Variants in CREB1 observed in about 807,000 individuals in gnomAD.
CREB1 encodes cAMP responsive element binding protein 1.
In CREB1, 2 loss-of-function variants were observed where a neutral mutation model predicts 42.0. That is an observed-to-expected ratio of 0.05 (90% CI 0.02 to 0.15). The LOEUF (loss-of-function observed/expected upper bound fraction) is 0.15, where lower values mean the gene tolerates loss of function less well. Among genes scored for constraint, CREB1 ranks in the 10% least tolerant of loss-of-function variants. The pLI is 1.00. For synonymous variants in CREB1, 123 were observed against 139.9 expected (o/e 0.88, Z 0.85); for missense variants, 199 against 388.9 (o/e 0.51, Z 4.11).
chr2:207,575,901 A>G (rs1266701648), intron 6 of CREB1, among the ~76,000 whole-genome samples: 3 of 135,154 alleles, frequency 2.2e-5, no homozygotes, highest in African/African-American at 8.0e-5. Context: ...TCTGGAAACA[A>G]TCTTCAGAAG....
At chr2:207,595,155 C>G (rs916740616) in intron 7 of CREB1, among the ~76,000 whole-genome samples, 1 of 151,488 alleles carries the variant, frequency 6.6e-6, no homozygotes, top group Non-Finnish European at 1.5e-5. Flanking sequence ...ACCACCATAC[C>G]TGGCTAATTT....
At chr2:207,593,779 C>A (rs989098378) in intron 7 of CREB1, among the ~76,000 whole-genome samples, 1 of 145,772 alleles carries the variant, frequency 6.9e-6, no homozygotes, top group Non-Finnish European at 1.5e-5. Flanking sequence ...AGTGCAGTGG[C>A]GCTATCTTGG....
intron 1 of CREB1, among the ~76,000 whole-genome samples, chr2:207,543,273 G>C (rs1482564926): frequency 1.3e-5 from 2 of 152,126 alleles, no homozygotes; most frequent in Non-Finnish European, 1.5e-5. Flanking sequence ...CACAGATGCT[G>C]AATCTTTGGA....
rs185179817 is a variant in CREB1, at chr2:207,556,579, G to A, written c.114+830G>A. On this transcript the variant is annotated intron_variant, in intron 2 of 7. Transcript: ENST00000353267. ...GGAAATAGAGGACTCACCACACTTG[G>A]GTGTCTGGCTGAGGTAGTGTGAGCC... Among the ~76,000 whole-genome samples, 41 of 152,286 alleles carry A rather than the reference G, an allele frequency of 2.7e-4. 1 individual carries two copies. In the East Asian group the frequency reaches 7.9e-3, roughly 29 times the overall value.
rs2082184391 is a variant in CREB1 at position 207,567,509 on chromosome 2, G to T, written c.308G>T (p.Ser103Ile). Reference sequence around the variant, plus strand: ...GAAGATTCACAGGAGTCAGTGGATAGTGTAACTGATTCCCAAAAGCGAAGG... The same window carrying T: ...GAAGATTCACAGGAGTCAGTGGATATTGTAACTGATTCCCAAAAGCGAAGG... ...ESEDSQESVD[S>I]VTDSQKRREI... The change falls in exon 4 of 8, where the codon AGT becomes ATT. Residue 103 changes from serine to isoleucine, a missense_variant. Around this residue, in one of 4 missense-constraint regions of CREB1, gnomAD observed 66 missense variants for 150.8 expected, o/e 0.44. Coordinates refer to ENST00000353267, the MANE Select transcript of CREB1 (RefSeq NM_004379.5). The T allele has an allele frequency of 6.2e-7, 1 of 1,612,614 alleles. No homozygotes were observed. The highest frequency in any genetic ancestry group is 8.5e-7 in the Non-Finnish European group (1 of 1,179,006).
chr2:207,563,230 GAGTA>G (rs1386808404), intron 3 of CREB1, among the ~76,000 whole-genome samples: 1 of 152,172 alleles, frequency 6.6e-6, no homozygotes, highest in Non-Finnish European at 1.5e-5. Flanking sequence ...GGCTGGAATA[GAGTA>G]AGTGAGGAGG....
chr2:207,534,754 T>C (rs1485891626), intron 1 of CREB1: 1 of 152,218 alleles, frequency 6.6e-6, no homozygotes, highest in Non-Finnish European at 1.5e-5. Flanking sequence ...GATCTATAAT[T>C]CAAAACATAA....
rs71036933 is a variant in CREB1, at chr2:207,571,022, C to CTTTTTTTTTTTTTTTTTTTTTT, written c.505+713_505+714insTTTTTTTTTTTTTTTTTTTTTT. ...GAATGGTACTTTTTTCTCTTTTTCC[C>CTTTTTTTTTTTTTTTTTTTTTT]TTTTTTTTTTTTGCCTCTCAAAGTG... On this transcript the variant is annotated intron_variant, in intron 5 of 7. Transcript: ENST00000353267. Among the ~76,000 whole-genome samples, 5 of 68,450 alleles carry CTTTTTTTTTTTTTTTTTTTTTT rather than the reference C, an allele frequency of 7.3e-5. 1 individual carries two copies. The highest frequency in any genetic ancestry group is 9.8e-5 in the Non-Finnish European group (3 of 30,552). The allele number at this position is 68,450 out of a possible 152,430, so 44.9% of individuals were successfully genotyped here.
chr2:207,578,796 T>G (rs1331452330), intron 7 of CREB1, among the ~76,000 whole-genome samples: 1 of 151,944 alleles, frequency 6.6e-6, no homozygotes, highest in Non-Finnish European at 1.5e-5. Flanking sequence ...AAGTGACTTT[T>G]TTTTTTTCTC....
chr2:207,546,558 C>T (rs187421947), intron 1 of CREB1, among the ~76,000 whole-genome samples: 4 of 151,974 alleles, frequency 2.6e-5, no homozygotes, highest in African/African-American at 9.7e-5. Flanking sequence ...GAAACCCCAT[C>T]TCTACTAAAA....
chr2:207,580,952 A>G (rs11692041), intron 7 of CREB1: 2,907 of 216,602 alleles, frequency 0.013, 35 homozygotes, highest in Non-Finnish European at 0.017. Context: ...TAGCCACAGC[A>G]CAGGCAAGGA....
chr2:207,599,220 G>A lies in CREB1; in HGVS notation c.*2162G>A, dbSNP rs912562906. ...TTGTCCTGCTGAGCTAATGGGGAAAGTTATAGCATAAAAATTGTGTAACCG... is the reference window on the plus strand; with the variant it reads ...TTGTCCTGCTGAGCTAATGGGGAAAATTATAGCATAAAAATTGTGTAACCG... On this transcript the variant is annotated 3_prime_UTR_variant, in exon 8 of 8. Coordinates refer to ENST00000353267, the MANE Select transcript of CREB1 (RefSeq NM_004379.5). 2.2e-4 allele frequency: 43 copies of A among 198,226 alleles called. No homozygotes were observed. The highest frequency in any genetic ancestry group is 6.0e-5 in the Admixed American group (1 of 16,594). The allele number at this position is 198,226 out of a possible 1,614,324, so 12.3% of individuals were successfully genotyped here.
intron 3 of CREB1, among the ~76,000 whole-genome samples, chr2:207,564,434 A>G (rs1436511718): frequency 6.6e-6 from 1 of 151,914 alleles, no homozygotes; most frequent in African/African-American, 2.4e-5. Flanking sequence ...CCTTGAGCCC[A>G]TGAGTTTGAG....
intron 1 of CREB1, among the ~76,000 whole-genome samples, chr2:207,546,722 C>T (rs1293018793): frequency 7.4e-6 from 1 of 135,992 alleles, no homozygotes; most frequent in African/African-American, 2.5e-5. Context: ...CAGTGAGACC[C>T]TATATCAAAA....
chr2:207,539,126 C>T (rs2080992352), intron 1 of CREB1, among the ~76,000 whole-genome samples: 1 of 148,692 alleles, frequency 6.7e-6, no homozygotes, highest in South Asian at 2.1e-4. Flanking sequence ...CTGCAACCTC[C>T]GCCTCCTGGG....
rs772562388 is a variant in CREB1, at chr2:207,597,101, G to T, written c.*43G>T. On this transcript the variant is annotated 3_prime_UTR_variant, in exon 8 of 8. Transcript: ENST00000353267. ...CACCTGTTAAGGTGGAAAATGGACTGGCTTGGCCACAACCTGAAAGACAAA... is the reference window on the plus strand; with the variant it reads ...CACCTGTTAAGGTGGAAAATGGACTTGCTTGGCCACAACCTGAAAGACAAA... The T allele has an allele frequency of 6.5e-7, 1 of 1,543,244 alleles. No homozygotes were observed. The highest frequency in any genetic ancestry group is 1.2e-5 in the South Asian group (1 of 81,914).
chr2:207,555,753 T>C lies in CREB1; in HGVS notation c.114+4T>C. 6.3e-7 allele frequency: 1 copy of C among 1,586,616 alleles called. No individual in the cohort carries two copies. The highest frequency in any genetic ancestry group is 2.2e-5 in the East Asian group (1 of 44,708). ...ACAGATTGCCACATTAGCCCAGGTA[T>C]AAAATACATGGAGAGATTCCAGTTT... is the stretch of plus-strand genomic sequence containing the variant. On this transcript the variant is annotated splice_donor_region_variant and intron_variant, in intron 2 of 7. Transcript: ENST00000353267.
intron 6 of CREB1, chr2:207,576,762 T>C (rs2082614358): frequency 9.4e-7 from 1 of 1,061,196 alleles, no homozygotes; most frequent in Non-Finnish European, 1.2e-6. Flanking sequence ...ATAATTAATA[T>C]GAATAATTTT....
In CREB1 at chr2:207,587,516, G is replaced by A. The variant is rs76823461; in HGVS notation, c.840-9398G>A. On this transcript the variant is annotated intron_variant, in intron 7 of 7. Coordinates refer to ENST00000353267, the MANE Select transcript of CREB1 (RefSeq NM_004379.5). ...GAAACCAGTATTGCATCACTTCACA[G>A]TAGCTAAGATAGGGAATCAACCTAA... Among the ~76,000 whole-genome samples the A allele has an allele frequency of 1.5e-4, 23 of 152,162 alleles. No homozygotes were observed. The East Asian group carries it at 4.1e-3, about 27-fold the overall frequency.
Sources: allele counts gnomAD v4.1 joint callset (sites outside exome capture counted in the v4.1 genomes callset), GRCh38; gene constraint gnomAD v4.1.1; regional missense constraint gnomAD v4.1.1; transcripts MANE v1.5; gene names NCBI Gene and HGNC (gene_info 2026-07-23, HGNC 2026-07-21).